The following NXNL2 variants were observed in gnomAD, a reference collection of about 807,000 sequenced individuals.
NXNL2 encodes the protein nucleoredoxin like 2, also known as nucleoredoxin-like protein 2.
NXNL2 carries 7 observed loss-of-function variants against 11.1 expected under a neutral mutation model. The ratio of observed to expected loss-of-function variants is 0.63; its 90% confidence interval spans 0.36 to 1.18. The LOEUF is 1.18. Ranked by LOEUF, NXNL2 falls within the 50% of genes most tolerant of loss-of-function variation. The pLI, the probability that NXNL2 is intolerant of heterozygous loss-of-function variation, is 0.02. For missense variants in NXNL2, 233 were observed against 217.7 expected, an observed-to-expected ratio of 1.07 and a Z score of -0.44; for synonymous variants, 109 against 101.8, an observed-to-expected ratio of 1.07 and a Z score of -0.42.
At chr9:88,578,515 CAT>C (rs1439573943), downstream of NXNL2, among the ~76,000 whole-genome samples, 1 of 152,362 alleles carries the variant, frequency 6.6e-6, no homozygotes, top group East Asian at 1.9e-4. Flanking sequence ...GGGAAATAAA[CAT>C]AATCTGCCAC....
At chr9:88,539,273 C>A (rs1228890982) in intron 1 of NXNL2, among the ~76,000 whole-genome samples, 2 of 152,206 alleles carry the variant, frequency 1.3e-5, no homozygotes, top group Non-Finnish European at 2.9e-5. Flanking sequence ...TGGTCAAAGG[C>A]TGGTGCATGG....
chr9:88,574,952 A>T (rs1445535721), intron 2 of NXNL2: 1 of 160,218 alleles, frequency 6.2e-6, no homozygotes, highest in Non-Finnish European at 1.3e-5. Flanking sequence ...TCCAAAGGGC[A>T]CACGTTGCAT....
intron 1 of NXNL2, among the ~76,000 whole-genome samples, chr9:88,582,603 CCTTCCTTT>C (rs1193408749): frequency 1.3e-5 from 2 of 151,922 alleles, no homozygotes; most frequent in Admixed American, 6.6e-5. Context: ...TTCCTTCCTT[CCTTCCTTT>C]CTTCCTTCCT....
At chr9:88,575,456 A>G (rs556420026) in exon 3 of NXNL2, 1 of 152,366 alleles carries the variant, frequency 6.6e-6, no homozygotes, top group Admixed American at 6.5e-5. Flanking sequence ...TTGCAATAAT[A>G]TAGATGGAAA....
chr9:88,570,113 TTTTTTA>T (rs1454332662), intron 1 of NXNL2, among the ~76,000 whole-genome samples: 3 of 151,860 alleles, frequency 2.0e-5, no homozygotes, highest in Non-Finnish European at 4.4e-5. Flanking sequence ...ATTAATTAAT[TTTTTTA>T]TTTTTATTTT....
At chr9:88,579,146 C>T (rs1008757334), downstream of NXNL2, among the ~76,000 whole-genome samples, 2 of 152,232 alleles carry the variant, frequency 1.3e-5, no homozygotes, top group South Asian at 2.1e-4. Flanking sequence ...CCCTTTCCTC[C>T]TGTCTTCACT....
At chr9:88,537,148 T>A (rs1258650533) in intron 1 of NXNL2, among the ~76,000 whole-genome samples, 1 of 152,236 alleles carries the variant, frequency 6.6e-6, no homozygotes, top group Admixed American at 6.5e-5. Flanking sequence ...TTGTCAGGGT[T>A]GAGCTGATCA....
downstream of NXNL2, among the ~76,000 whole-genome samples, chr9:88,548,542 G>A (rs1363020824): frequency 6.7e-6 from 1 of 149,198 alleles, no homozygotes; most frequent in African/African-American, 2.5e-5. Flanking sequence ...AAAAAAAATA[G>A]CCAGGCATGG....
At chr9:88,567,836 G>C (rs1158641010) in intron 1 of NXNL2, among the ~76,000 whole-genome samples, 2 of 152,180 alleles carry the variant, frequency 1.3e-5, no homozygotes, top group Admixed American at 6.5e-5. Context: ...CCAACCCCTA[G>C]GCTCTCTGCA....
intron 1 of NXNL2, among the ~76,000 whole-genome samples, chr9:88,581,775 A>G (rs527952728): frequency 2.8e-4 from 43 of 152,186 alleles, no homozygotes; most frequent in African/African-American, 9.9e-4. Flanking sequence ...TTCTTAACCC[A>G]TTTATTTGTG....
chr9:88,559,557 C>T (rs571221414), intron 1 of NXNL2, among the ~76,000 whole-genome samples: 2 of 152,192 alleles, frequency 1.3e-5, no homozygotes, highest in Non-Finnish European at 2.9e-5. Context: ...CCCTGCCATC[C>T]GTAGGCCTGT....
At chr9:88,542,232 C>CA (rs1176854199) in intron 1 of NXNL2, among the ~76,000 whole-genome samples, 1 of 150,572 alleles carries the variant, frequency 6.6e-6, no homozygotes, top group Non-Finnish European at 1.5e-5. Flanking sequence ...GACTCCATCT[C>CA]AAAAAACAAA....
chr9:88,546,399 C>A (rs1004017609), downstream of NXNL2, among the ~76,000 whole-genome samples: 2 of 150,664 alleles, frequency 1.3e-5, no homozygotes, highest in African/African-American at 4.9e-5. Context: ...CATTATTACT[C>A]CCTGAAGACA....
intron 1 of NXNL2, among the ~76,000 whole-genome samples, chr9:88,540,103 C>T (rs947503489): frequency 2.0e-5 from 3 of 151,934 alleles, no homozygotes; most frequent in Non-Finnish European, 2.9e-5. Context: ...GAGGCCGAGG[C>T]GGGTGGATCA....
chr9:88,537,584 A>G (rs1829654764), intron 1 of NXNL2, among the ~76,000 whole-genome samples: 1 of 152,154 alleles, frequency 6.6e-6, no homozygotes, highest in Non-Finnish European at 1.5e-5. Context: ...AGGTAGTGGG[A>G]TATTCTGTGG....
intron 1 of NXNL2, among the ~76,000 whole-genome samples, chr9:88,562,065 G>A (rs1006976904): frequency 1.3e-5 from 2 of 152,168 alleles, no homozygotes; most frequent in African/African-American, 4.8e-5. Context: ...AGTAGAATGC[G>A]TAAATCATTT....
chr9:88,544,225 C>T (rs1019057953), intron 1 of NXNL2, among the ~76,000 whole-genome samples, 154 bp from the exon 2 acceptor site: 4 of 152,024 alleles, frequency 2.6e-5, no homozygotes, highest in African/African-American at 9.7e-5. Flanking sequence ...GAAAGGAGCC[C>T]CCACCCCAGC....
intron 1 of NXNL2, among the ~76,000 whole-genome samples, chr9:88,570,782 G>A (rs930235478): frequency 3.9e-5 from 6 of 152,272 alleles, no homozygotes; most frequent in South Asian, 2.1e-4. Context: ...TCATTCTGTC[G>A]CCCAGGCCAG....
intron 2 of NXNL2, among the ~76,000 whole-genome samples, chr9:88,571,864 C>T (rs1248905271): frequency 6.6e-6 from 1 of 152,120 alleles, no homozygotes; most frequent in Non-Finnish European, 1.5e-5. Flanking sequence ...CACCGGAGAC[C>T]TTCAGCCAGG....
Sources: allele counts gnomAD v4.1 joint callset (sites outside exome capture counted in the v4.1 genomes callset), GRCh38; gene constraint gnomAD v4.1.1; transcripts MANE v1.5; gene names NCBI Gene and HGNC (gene_info 2026-07-23, HGNC 2026-07-21).